L3MBTL4: variants seen among roughly 807,000 people sequenced by gnomAD.
L3MBTL4 encodes lethal(3)malignant brain tumor-like protein 4.
In L3MBTL4, 70 loss-of-function variants were observed where a neutral mutation model predicts 84.5. That is an observed-to-expected ratio of 0.83 (90% CI 0.68 to 1.01). The LOEUF (loss-of-function observed/expected upper bound fraction) is 1.01. Among genes scored for constraint, L3MBTL4 ranks in the 50% least tolerant of loss-of-function variants. L3MBTL4 has a pLI of 0.00. For synonymous variants in L3MBTL4, 274 were observed against 259.8 expected, an observed-to-expected ratio of 1.05 and a Z score of -0.52; for missense variants, 715 against 754.8, an observed-to-expected ratio of 0.95 and a Z score of 0.62.
At chr18:6,012,679 A>AT (rs1423150375) in intron 16 of L3MBTL4, among the ~76,000 whole-genome samples, 1 of 151,324 alleles carries the variant, frequency 6.6e-6, no homozygotes, top group African/African-American at 2.4e-5. Flanking sequence ...AAAAAAAAAA[A>AT]AATTAGCCGA....
intron 17 of L3MBTL4, among the ~76,000 whole-genome samples, chr18:5,967,103 C>T (rs2052389200): frequency 6.6e-6 from 1 of 152,214 alleles, no homozygotes; most frequent in Non-Finnish European, 1.5e-5. Flanking sequence ...TGACTTTCCG[C>T]ATAAGAACCC....
chr18:6,355,427 AT>A (rs966596592), intron 1 of L3MBTL4, among the ~76,000 whole-genome samples: 1,746 of 148,620 alleles, frequency 0.012, 37 homozygotes, highest in African/African-American at 0.037. Flanking sequence ...ATATTTGTTG[AT>A]TTTTTTTTTT....
chr18:6,132,878 G>A (rs1462099058), intron 14 of L3MBTL4, among the ~76,000 whole-genome samples: 1 of 152,064 alleles, frequency 6.6e-6, no homozygotes, highest in Non-Finnish European at 1.5e-5. Flanking sequence ...CAGCGCAGGA[G>A]GCAAGCTGGC....
chr18:6,106,408 T>C (rs531667832), intron 14 of L3MBTL4, among the ~76,000 whole-genome samples: 49 of 152,282 alleles, frequency 3.2e-4, no homozygotes, highest in Non-Finnish European at 4.4e-5. Flanking sequence ...TTTGAGGGAA[T>C]TTGAGCTGTT....
intron 16 of L3MBTL4, chr18:6,031,164 T>C (rs757044750): frequency 3.8e-5 from 37 of 985,316 alleles, no homozygotes; most frequent in Non-Finnish European, 4.2e-5. Flanking sequence ...TGATTTATGC[T>C]CCTCTCCCTC....
intron 13 of L3MBTL4, among the ~76,000 whole-genome samples, chr18:6,143,742 G>A (rs1465420765): frequency 6.6e-6 from 1 of 152,124 alleles, no homozygotes; most frequent in African/African-American, 2.4e-5. Flanking sequence ...TAGTTTTGTA[G>A]TTTATCTGCT....
chr18:6,322,789 CA>C (rs768697703), intron 1 of L3MBTL4, among the ~76,000 whole-genome samples: 1 of 151,708 alleles, frequency 6.6e-6, no homozygotes, highest in Non-Finnish European at 1.5e-5. Flanking sequence ...AAATGGGTAC[CA>C]AAAAATAGTT....
chr18:6,029,322 T>C (rs1054642341), intron 16 of L3MBTL4: 1 of 419,722 alleles, frequency 2.4e-6, no homozygotes, highest in Non-Finnish European at 3.2e-6. Context: ...TATAAAGTAA[T>C]TAAGATATTT....
intron 1 of L3MBTL4, among the ~76,000 whole-genome samples, chr18:6,411,148 A>G (rs533381538): frequency 1.8e-4 from 27 of 152,368 alleles, no homozygotes; most frequent in Admixed American, 1.2e-3. Context: ...GTATAAGTGA[A>G]CTGAAGAGCT....
chr18:6,036,620 C>A (rs192231013), intron 16 of L3MBTL4, among the ~76,000 whole-genome samples: 1 of 152,200 alleles, frequency 6.6e-6, no homozygotes, highest in Non-Finnish European at 1.5e-5. Context: ...GGCACATTTT[C>A]TTATTGACTT....
chr18:6,071,761 A>AAAACAAAGAAAG (rs2057637867), intron 16 of L3MBTL4, among the ~76,000 whole-genome samples: 1 of 92,156 alleles, frequency 1.1e-5, no homozygotes, highest in Non-Finnish European at 2.1e-5. Context: ...AAGAAAGAAA[A>AAAACAAAGAAAG]AAAGAAAGAA....
chr18:6,046,640 C>T (rs533842625), intron 16 of L3MBTL4: 464 of 669,794 alleles, frequency 6.9e-4, no homozygotes, highest in Middle Eastern at 6.5e-3. Context: ...AGAAAACTTG[C>T]ACCTGAATGA....
At chr18:6,063,821 C>T (rs71360013) in intron 16 of L3MBTL4, among the ~76,000 whole-genome samples, 1,715 of 151,972 alleles carry the variant, frequency 0.011, 27 homozygotes, top group Non-Finnish European at 0.019. Context: ...GTTTACTCTG[C>T]TGATTATTTC....
chr18:6,267,356 C>T (rs1040306522), intron 4 of L3MBTL4, among the ~76,000 whole-genome samples: 5 of 152,176 alleles, frequency 3.3e-5, no homozygotes, highest in African/African-American at 7.2e-5. Flanking sequence ...AATACTGAGA[C>T]GTCATGGTGT....
chr18:6,210,199 G>A (rs532679504), intron 12 of L3MBTL4, among the ~76,000 whole-genome samples: 19 of 152,314 alleles, frequency 1.2e-4, no homozygotes, highest in African/African-American at 4.6e-4. Context: ...CATATTTGGG[G>A]AGTGGCAGAA....
At chr18:6,182,537 A>C (rs1218081344) in intron 12 of L3MBTL4, among the ~76,000 whole-genome samples, 1 of 152,150 alleles carries the variant, frequency 6.6e-6, no homozygotes, top group Non-Finnish European at 1.5e-5. Context: ...GAAGCCCTTT[A>C]GCTTAATTAG....
chr18:6,351,669 A>G (rs934483804), intron 1 of L3MBTL4, among the ~76,000 whole-genome samples: 1 of 151,708 alleles, frequency 6.6e-6, no homozygotes, highest in African/African-American at 2.4e-5. Context: ...CTCCTGCCTC[A>G]GCCTCCCGAG....
intron 16 of L3MBTL4, among the ~76,000 whole-genome samples, chr18:6,010,312 C>G (rs992898218): frequency 1.2e-4 from 18 of 152,072 alleles, no homozygotes; most frequent in Non-Finnish European, 1.9e-4. Context: ...TAATAAGAAA[C>G]CCAGGATGAA....
chr18:6,063,659 A>C (rs978548701), intron 16 of L3MBTL4, among the ~76,000 whole-genome samples: 6 of 151,982 alleles, frequency 3.9e-5, no homozygotes, highest in African/African-American at 1.4e-4. Flanking sequence ...TCTTCTTTTG[A>C]GAAATGTCTA....
Sources: gnomAD v4.1 joint callset for allele counts (sites outside exome capture counted in the v4.1 genomes callset) on GRCh38, gnomAD v4.1.1 for gene constraint, MANE v1.5 for transcripts, NCBI Gene and HGNC (gene_info 2026-07-23, HGNC 2026-07-21) for gene names.